PRKN: variants seen among roughly 807,000 people sequenced by gnomAD.
The protein encoded by PRKN is parkin RBR E3 ubiquitin protein ligase, also known as E3 ubiquitin-protein ligase parkin.
In PRKN, 56 loss-of-function variants were observed where a neutral mutation model predicts 59.5. The ratio of observed to expected loss-of-function variants is 0.94; its 90% CI spans 0.76 to 1.18. The LOEUF (loss-of-function observed/expected upper bound fraction) is 1.18, where lower values mean the gene tolerates loss of function less well. PRKN is among the 50% of genes most tolerant of loss of function. The pLI, the probability that PRKN is intolerant of heterozygous loss-of-function variation, is 0.00. For missense variants in PRKN, 657 were observed against 596.4 expected, an observed-to-expected ratio of 1.10 and a Z score of -1.06; for synonymous variants, 250 against 222.1, an observed-to-expected ratio of 1.13 and a Z score of -1.12.
At chr6:161,871,650 C>T (rs1329438604) in intron 6 of PRKN, among the ~76,000 whole-genome samples, 2 of 152,174 alleles carry the variant, frequency 1.3e-5, no homozygotes, top group Admixed American at 6.5e-5. Context: ...ACAAAGCTCC[C>T]TGTACACACT....
chr6:162,451,612 G>C (rs1790632019), intron 1 of PRKN, among the ~76,000 whole-genome samples: 1 of 151,586 alleles, frequency 6.6e-6, no homozygotes, highest in Admixed American at 6.6e-5. Flanking sequence ...AGAAATTCTA[G>C]AACTAAAACT....
At chr6:162,669,834 A>G (rs1323832930) in intron 1 of PRKN, among the ~76,000 whole-genome samples, 2 of 152,324 alleles carry the variant, frequency 1.3e-5, no homozygotes, top group East Asian at 3.9e-4. Context: ...AAGAGATTAT[A>G]GGATTGAGGG....
At chr6:162,241,759 A>G (rs1353167297) in intron 3 of PRKN, among the ~76,000 whole-genome samples, 2 of 152,120 alleles carry the variant, frequency 1.3e-5, no homozygotes, top group Non-Finnish European at 2.9e-5. Flanking sequence ...TATACAGGCT[A>G]TTGAATTCTA....
chr6:161,887,110 A>T (rs1795183107), intron 6 of PRKN, among the ~76,000 whole-genome samples: 1 of 152,220 alleles, frequency 6.6e-6, no homozygotes, highest in Non-Finnish European at 1.5e-5. Context: ...CTTATTTTTC[A>T]TAAAGCATTA....
chr6:162,050,731 G>T (rs1777600462), intron 5 of PRKN, among the ~76,000 whole-genome samples: 1 of 152,074 alleles, frequency 6.6e-6, no homozygotes, highest in African/African-American at 2.4e-5. Context: ...TGGAGAAGGG[G>T]CTTCCTACCA....
intron 4 of PRKN, among the ~76,000 whole-genome samples, chr6:162,170,124 C>A (rs1783203232): frequency 6.6e-6 from 1 of 152,132 alleles, no homozygotes; most frequent in African/African-American, 2.4e-5. Flanking sequence ...ATGAATCTAC[C>A]AGATATTTTG....
At chr6:162,413,224 T>C (rs1009522327) in intron 2 of PRKN, among the ~76,000 whole-genome samples, 1 of 152,152 alleles carries the variant, frequency 6.6e-6, no homozygotes, top group Non-Finnish European at 1.5e-5. Flanking sequence ...TTTTTTATTG[T>C]TGTTTTTCTC....
intron 2 of PRKN, among the ~76,000 whole-genome samples, chr6:162,359,661 T>A (rs1446088019): frequency 6.6e-6 from 1 of 152,048 alleles, no homozygotes; most frequent in East Asian, 1.9e-4. Context: ...TAAACCAGTA[T>A]TTCCCAAAAT....
intron 1 of PRKN, among the ~76,000 whole-genome samples, chr6:162,535,391 T>C (rs1181568477): frequency 6.6e-6 from 1 of 152,118 alleles, no homozygotes; most frequent in East Asian, 1.9e-4. Flanking sequence ...TTCTTCATCA[T>C]ATATATGCAT....
intron 1 of PRKN, among the ~76,000 whole-genome samples, chr6:162,467,520 C>A (rs1791484396): frequency 6.6e-6 from 1 of 152,172 alleles, no homozygotes; most frequent in African/African-American, 2.4e-5. Flanking sequence ...TTATCCCTAT[C>A]ATTGAGCCTT....
chr6:161,631,011 G>T (rs1783285550), intron 7 of PRKN, among the ~76,000 whole-genome samples: 1 of 152,232 alleles, frequency 6.6e-6, no homozygotes, highest in African/African-American at 2.4e-5. Context: ...ACCCCAGAAG[G>T]GTGGGGCCAC....
intron 1 of PRKN, among the ~76,000 whole-genome samples, chr6:162,546,029 G>T (rs1175488963): frequency 6.7e-6 from 1 of 150,190 alleles, no homozygotes; most frequent in East Asian, 2.0e-4. Context: ...TGGTTATTCA[G>T]TTATCTTAAT....
chr6:162,262,294 CTTATAT>C (rs886563577), intron 3 of PRKN, among the ~76,000 whole-genome samples: 3 of 152,064 alleles, frequency 2.0e-5, no homozygotes, highest in African/African-American at 7.2e-5. Context: ...AAACATATCT[CTTATAT>C]TTAATCTCAA....
At chr6:162,351,349 A>G (rs1156988541) in intron 2 of PRKN, among the ~76,000 whole-genome samples, 1 of 152,238 alleles carries the variant, frequency 6.6e-6, no homozygotes, top group Non-Finnish European at 1.5e-5. Flanking sequence ...ATTACTTTCT[A>G]TTAGGAAAAT....
intron 6 of PRKN, among the ~76,000 whole-genome samples, chr6:161,914,027 T>C (rs905856822): frequency 2.6e-4 from 40 of 152,202 alleles, no homozygotes; most frequent in Admixed American, 5.9e-4. Flanking sequence ...TAAATTTCTA[T>C]TGTTCAAGCC....
intron 2 of PRKN, among the ~76,000 whole-genome samples, chr6:162,369,023 TG>T (rs1785606610): frequency 6.6e-6 from 1 of 152,212 alleles, no homozygotes; most frequent in Non-Finnish European, 1.5e-5. Flanking sequence ...ATCCATATTT[TG>T]GTGAGATTTT....
intron 9 of PRKN, among the ~76,000 whole-genome samples, chr6:161,482,401 T>A (rs1283404792): frequency 2.6e-5 from 4 of 152,208 alleles, no homozygotes; most frequent in African/African-American, 9.6e-5. Context: ...TATAAAAAGT[T>A]GTCCTTGTCC....
chr6:162,508,028 C>A (rs999872737), intron 1 of PRKN, among the ~76,000 whole-genome samples: 1 of 152,064 alleles, frequency 6.6e-6, no homozygotes, highest in Non-Finnish European at 1.5e-5. Flanking sequence ...AAAGATATAC[C>A]CAAGACTGGG....
chr6:162,216,484 T>C (rs1356564522), intron 3 of PRKN, among the ~76,000 whole-genome samples: 3 of 133,072 alleles, frequency 2.3e-5, no homozygotes, highest in South Asian at 2.5e-4. Flanking sequence ...GAGCCGAGAT[T>C]GCGCCACTGC....
Sources: gnomAD v4.1 joint callset for allele counts (sites outside exome capture counted in the v4.1 genomes callset) on GRCh38, gnomAD v4.1.1 for gene constraint, MANE v1.5 for transcripts, NCBI Gene and HGNC (gene_info 2026-07-23, HGNC 2026-07-21) for gene names.